BABAM2: variants seen among roughly 807,000 people sequenced by gnomAD.
BABAM2 encodes BRISC and BRCA1 A complex member 2.
A neutral mutation model predicts 54.7 loss-of-function variants in BABAM2; 31 were observed. The ratio of observed to expected loss-of-function variants is 0.57; its 90% confidence interval spans 0.43 to 0.77. The LOEUF (loss-of-function observed/expected upper bound fraction) is 0.77. Ranked by LOEUF, BABAM2 falls within the 30% of genes least tolerant of loss-of-function variation. The probability of loss-of-function intolerance (pLI) is 0.00; values close to 1 mark genes in which losing one functional copy is unlikely to be tolerated. For missense variants in BABAM2, 364 were observed against 455.8 expected (o/e 0.80, Z 1.83); for synonymous variants, 167 against 162.9 (o/e 1.03, Z -0.19).
chr2:27,933,665 A>G (rs955318238), intron 3 of BABAM2, among the ~76,000 whole-genome samples: 1 of 150,866 alleles, frequency 6.6e-6, no homozygotes, highest in Non-Finnish European at 1.5e-5. Flanking sequence ...GGGTTTCACC[A>G]TGTTGGCCAG....
intron 2 of BABAM2, among the ~76,000 whole-genome samples, chr2:27,923,156 C>G (rs868205291): frequency 6.6e-5 from 10 of 152,290 alleles, no homozygotes; most frequent in Middle Eastern, 6.8e-3. Flanking sequence ...TTTGTGATAT[C>G]ACAGTATAAA....
chr2:28,272,223 A>G (rs1186253412), intron 10 of BABAM2, among the ~76,000 whole-genome samples: 1 of 152,260 alleles, frequency 6.6e-6, no homozygotes, highest in African/African-American at 2.4e-5. Context: ...CTTCAATTCA[A>G]AGGACAAATA....
intron 6 of BABAM2, among the ~76,000 whole-genome samples, chr2:28,090,670 C>A (rs1448847795): frequency 6.6e-6 from 1 of 152,066 alleles, no homozygotes; most frequent in Non-Finnish European, 1.5e-5. Context: ...GATTATTATA[C>A]TTCTTTAAGA....
At chr2:28,040,806 G>A (rs1483470196) in intron 5 of BABAM2, among the ~76,000 whole-genome samples, 1 of 152,140 alleles carries the variant, frequency 6.6e-6, no homozygotes, top group Non-Finnish European at 1.5e-5. Context: ...AAATCAGCCT[G>A]TTGCTGATAA....
At chr2:28,081,345 C>T (rs987053354) in intron 6 of BABAM2, among the ~76,000 whole-genome samples, 8 of 152,144 alleles carry the variant, frequency 5.3e-5, no homozygotes, top group Non-Finnish European at 7.4e-5. Flanking sequence ...GTGGTGCAGA[C>T]GATTGTTGTA....
chr2:28,097,710 A>C (rs1439771710), intron 6 of BABAM2, among the ~76,000 whole-genome samples: 1 of 152,148 alleles, frequency 6.6e-6, no homozygotes, highest in Non-Finnish European at 1.5e-5. Flanking sequence ...TTTGGCAGTT[A>C]TAAAGTTCTC....
chr2:28,174,773 G>A lies in BABAM2; in HGVS notation c.680+45393G>A, dbSNP rs559575359. ...TGCATCCCCTGAGTCCTAAGCAGCTGTAGCGTGGTACGATTTTGAGAGCCC... is the reference window on the plus strand; with the variant it reads ...TGCATCCCCTGAGTCCTAAGCAGCTATAGCGTGGTACGATTTTGAGAGCCC... On this transcript the variant is annotated intron_variant, in intron 7 of 11. Coordinates refer to ENST00000379624, the MANE Select transcript of BABAM2 (RefSeq NM_199191.3). Among the ~76,000 whole-genome samples, 14 of 152,246 alleles carry A rather than the reference G, an allele frequency of 9.2e-5. No homozygotes were observed. In the East Asian group the frequency reaches 2.7e-3, roughly 29 times the overall value.
rs143177903 is a variant in BABAM2 at position 28,306,995 on chromosome 2, C to CTTTTT, written c.1088+8529_1088+8533dup. Among the ~76,000 whole-genome samples, 11 of 26,398 alleles carry CTTTTT rather than the reference C, an allele frequency of 4.2e-4. 2 individuals carry two copies. The highest frequency in any genetic ancestry group is 1.1e-3 in the African/African-American group (8 of 7,364). The allele number at this position is 26,398 out of a possible 152,430, so 17.3% of individuals were successfully genotyped here. On this transcript the variant is annotated intron_variant, in intron 11 of 11. Transcript: ENST00000379624. ...ACAGGCATGAGCCACCACACCTGGC[C>CTTTTT]TTTTTTTTTTTTTTTTTTTTTTTTT...
At chr2:27,960,477 A>G (rs1008121927) in intron 3 of BABAM2, among the ~76,000 whole-genome samples, 1 of 151,808 alleles carries the variant, frequency 6.6e-6, no homozygotes, top group African/African-American at 2.4e-5. Flanking sequence ...CCCAGCTAGC[A>G]TTCTGTGGTT....
chr2:28,074,436 C>T (rs1054874938), intron 6 of BABAM2, among the ~76,000 whole-genome samples: 4 of 152,122 alleles, frequency 2.6e-5, no homozygotes, highest in Admixed American at 2.6e-4. Flanking sequence ...AAAATTACCC[C>T]TGGTTGAAAA....
At chr2:27,976,635 T>C (rs1671626346) in intron 3 of BABAM2, among the ~76,000 whole-genome samples, 2 of 152,152 alleles carry the variant, frequency 1.3e-5, no homozygotes, top group Non-Finnish European at 2.9e-5. Context: ...CTAATTTTGG[T>C]GATGTTTACA....
chr2:28,133,274 A>C (rs1340797363), intron 7 of BABAM2, among the ~76,000 whole-genome samples: 1 of 152,182 alleles, frequency 6.6e-6, no homozygotes, highest in Admixed American at 6.5e-5. Context: ...TGACTGTGCT[A>C]AGCTCTCATT....
At chr2:28,006,323 C>T (rs904646729) in intron 4 of BABAM2, among the ~76,000 whole-genome samples, 1 of 151,998 alleles carries the variant, frequency 6.6e-6, no homozygotes, top group African/African-American at 2.4e-5. Flanking sequence ...CTGGTTTCCC[C>T]TACCATCCTG....
At chr2:27,893,566 A>G (rs1665032944) in intron 1 of BABAM2, among the ~76,000 whole-genome samples, 1 of 152,242 alleles carries the variant, frequency 6.6e-6, no homozygotes, top group Non-Finnish European at 1.5e-5. Flanking sequence ...TTTATTAAAA[A>G]ATGTTTATTG....
rs1215942914 is a variant in BABAM2, at chr2:28,112,197, C to CCCTTCCTTCCTTCCTTCCTTCCTT, written c.571-17065_571-17042dup. ...TCCCTCCCTCCCTCCCTCCCTCCCT[C>CCCTTCCTTCCTTCCTTCCTTCCTT]CCTTCCTTCCTTCCTTCCTTCCTTC... On this transcript the variant is annotated intron_variant, in intron 6 of 11. Coordinates refer to ENST00000379624, the MANE Select transcript of BABAM2 (RefSeq NM_199191.3). Among the ~76,000 whole-genome samples, 94 of 25,488 alleles carry CCCTTCCTTCCTTCCTTCCTTCCTT rather than the reference C, an allele frequency of 3.7e-3. 4 individuals are homozygous for CCCTTCCTTCCTTCCTTCCTTCCTT. The highest frequency in any genetic ancestry group is 4.9e-3 in the Non-Finnish European group (69 of 14,162). 16.7% of individuals were successfully genotyped at this position (25,488 alleles called of 152,430 possible).
intron 3 of BABAM2, among the ~76,000 whole-genome samples, chr2:27,933,066 A>G (rs1668215443): frequency 6.6e-6 from 1 of 152,186 alleles, no homozygotes; most frequent in South Asian, 2.1e-4. Context: ...GACAAAAATA[A>G]TGTGACTTCA....
At chr2:28,169,451 T>G (rs537396608) in intron 7 of BABAM2, among the ~76,000 whole-genome samples, 1 of 152,266 alleles carries the variant, frequency 6.6e-6, no homozygotes, top group Admixed American at 6.5e-5. Context: ...TCCCCAATTT[T>G]TATGTTCTTT....
intron 7 of BABAM2, among the ~76,000 whole-genome samples, chr2:28,224,849 GACAAAA>G (rs1449400312): frequency 3.3e-5 from 2 of 60,372 alleles, no homozygotes; most frequent in African/African-American, 5.8e-5. Context: ...ACGGTAAATT[GACAAAA>G]AAAAAAAAAA....
At chr2:27,971,924 A>C (rs182331210) in intron 3 of BABAM2, among the ~76,000 whole-genome samples, 224 of 152,290 alleles carry the variant, frequency 1.5e-3, no homozygotes, top group Non-Finnish European at 2.0e-3. Context: ...CTAAGACTAA[A>C]ATTTTCTGCA....
Sources: gnomAD v4.1 joint callset for allele counts (sites outside exome capture counted in the v4.1 genomes callset) on GRCh38, gnomAD v4.1.1 for gene constraint, MANE v1.5 for transcripts, NCBI Gene and HGNC (gene_info 2026-07-23, HGNC 2026-07-21) for gene names.